ESRRG: variants seen among roughly 807,000 people sequenced by gnomAD.
ESRRG encodes estrogen related receptor gamma, also known as estrogen-related receptor gamma.
ESRRG carries 13 observed loss-of-function variants against 44.0 expected under a neutral mutation model. The ratio of observed to expected loss-of-function variants is 0.30; its 90% CI spans 0.19 to 0.47. The LOEUF (loss-of-function observed/expected upper bound fraction) is 0.47, where lower values mean the gene tolerates loss of function less well. Ranked by LOEUF, ESRRG falls within the 20% of genes least tolerant of loss-of-function variation. The probability of loss-of-function intolerance (pLI) is 1.00; values close to 1 mark genes in which losing one functional copy is unlikely to be tolerated. For missense variants in ESRRG, 395 were observed against 580.6 expected (o/e 0.68, Z 3.29); for synonymous variants, 215 against 214.6 (o/e 1.00, Z -0.02).
At chr1:216,880,133 C>A (rs563402872) in intron 2 of ESRRG, among the ~76,000 whole-genome samples, 1 of 151,254 alleles carries the variant, frequency 6.6e-6, no homozygotes, top group South Asian at 2.1e-4. Flanking sequence ...CATGGTGAAA[C>A]CCCATCTCTA....
intron 1 of ESRRG, among the ~76,000 whole-genome samples, chr1:216,706,789 A>G (rs1388283038): frequency 6.6e-6 from 1 of 152,226 alleles, no homozygotes; most frequent in Non-Finnish European, 1.5e-5. Flanking sequence ...ACCTAACTTC[A>G]CTAATCATCT....
Position 216,519,366 on chromosome 1 carries a change from C to T in ESRRG, c.918G>A (p.Met306Ile). Residue 306 changes from methionine (M) to isoleucine (I), a missense_variant, in exon 6 of 7, where the codon ATG (methionine) becomes ATA (isoleucine). Coordinates refer to ENST00000408911, the MANE Select transcript of ESRRG (RefSeq NM_001438.4). Reference protein sequence around the residue: ...DQMSLLQSAWMEILILGVVYR... With the variant: ...DQMSLLQSAWIEILILGVVYR... ...ATACGACACCAAGGATCAAAATTTCCATCCAAGCACTCTGCAGAAGGCTCA... is the reference window on the plus strand; with the variant it reads ...ATACGACACCAAGGATCAAAATTTCTATCCAAGCACTCTGCAGAAGGCTCA... The T allele has an allele frequency of 6.2e-7, 1 of 1,613,574 alleles. No homozygotes were observed.
chr1:216,671,146 C>T (rs1369681641), intron 2 of ESRRG, among the ~76,000 whole-genome samples: 1 of 152,138 alleles, frequency 6.6e-6, no homozygotes, highest in South Asian at 2.1e-4. Context: ...TACTTCAGTG[C>T]CTAAATTTCA....
intron 2 of ESRRG, among the ~76,000 whole-genome samples, chr1:216,831,553 G>A (rs1157957604): frequency 1.3e-5 from 2 of 151,628 alleles, no homozygotes; most frequent in Non-Finnish European, 2.9e-5. Flanking sequence ...AGAGGGAGAG[G>A]AAGGGAGGAA....
At chr1:216,643,919 G>A (rs2066968021) in intron 3 of ESRRG, among the ~76,000 whole-genome samples, 1 of 151,990 alleles carries the variant, frequency 6.6e-6, no homozygotes, top group African/African-American at 2.4e-5. Flanking sequence ...GTCACTCTTG[G>A]CCTACCAACA....
At chr1:216,653,365 C>T (rs10779270) in intron 2 of ESRRG, among the ~76,000 whole-genome samples, 31,602 of 152,148 alleles carry the variant, frequency 0.21, 4,216 homozygotes, top group Non-Finnish European at 0.3. Context: ...GCTTTGATCA[C>T]GTCATTATGC....
intron 1 of ESRRG, among the ~76,000 whole-genome samples, chr1:217,108,038 C>T (rs2092619419): frequency 6.6e-6 from 1 of 151,966 alleles, no homozygotes; most frequent in African/African-American, 2.4e-5. Flanking sequence ...TCCCCATAAC[C>T]TACCAAATTA....
chr1:216,705,373 G>A (rs2082253245), intron 1 of ESRRG, among the ~76,000 whole-genome samples: 1 of 151,948 alleles, frequency 6.6e-6, no homozygotes, highest in African/African-American at 2.4e-5. Flanking sequence ...CACAATCTGT[G>A]TAAATTATTC....
intron 1 of ESRRG, among the ~76,000 whole-genome samples, chr1:217,069,653 A>G (rs2090303069): frequency 6.6e-6 from 1 of 152,068 alleles, no homozygotes; most frequent in Admixed American, 6.6e-5. Flanking sequence ...TATGCTTACC[A>G]AAACCCACAT....
At chr1:216,999,373 C>CT in intron 1 of ESRRG, among the ~76,000 whole-genome samples, 1 of 152,190 alleles carries the variant, frequency 6.6e-6, no homozygotes, top group South Asian at 2.1e-4. Flanking sequence ...CAAGCACATA[C>CT]ATGCTAGGAA....
At chr1:217,051,396 G>A (rs1298990931) in intron 1 of ESRRG, among the ~76,000 whole-genome samples, 1 of 152,110 alleles carries the variant, frequency 6.6e-6, no homozygotes, top group African/African-American at 2.4e-5. Flanking sequence ...AGGTTCACAC[G>A]CACCTTCTAA....
Position 216,931,480 on chromosome 1 carries a change from C to T in ESRRG, c.-14+8102G>A, listed in dbSNP as rs11117727. On this transcript the variant is annotated intron_variant, in intron 2 of 7. Transcript: ENST00000359162. ...CTGTCTTCCCAAAGTTTTCCAGCTC[C>T]CTGACTTGCTCTTTCCTTCCCCTGG... 4.0e-3 allele frequency among the ~76,000 whole-genome samples: 614 copies of T among 152,240 alleles called. 1 individual carries two copies. Among genetic ancestry groups the T allele is most frequent in the African/African-American group, 0.014 (583 of 41,534 alleles).
At chr1:217,120,526 CT>C (rs2092805271) in intron 1 of ESRRG, among the ~76,000 whole-genome samples, 1 of 152,050 alleles carries the variant, frequency 6.6e-6, no homozygotes, top group African/African-American at 2.4e-5. Flanking sequence ...TCTCATTCCC[CT>C]TAGAACAAAG....
intron 2 of ESRRG, among the ~76,000 whole-genome samples, chr1:216,931,561 C>G (rs1420036148): frequency 1.3e-5 from 2 of 152,026 alleles, no homozygotes; most frequent in Non-Finnish European, 2.9e-5. Flanking sequence ...ATGTTGCTCT[C>G]AGGAGGACCA....
chr1:216,799,705 G>A (rs558822043), intron 2 of ESRRG, among the ~76,000 whole-genome samples: 7 of 152,188 alleles, frequency 4.6e-5, no homozygotes, highest in African/African-American at 1.4e-4. Flanking sequence ...ATCAGTAAAA[G>A]GTTTGCAAAA....
Position 216,640,966 on chromosome 1 carries a change from G to T in ESRRG, c.589+10007C>A, listed in dbSNP as rs538634960. 5.3e-5 allele frequency among the ~76,000 whole-genome samples: 8 copies of T among 152,188 alleles called. No homozygotes were observed. The South Asian group carries it at 1.2e-3, about 24-fold the overall frequency. On this transcript the variant is annotated intron_variant, in intron 3 of 6. Coordinates refer to ENST00000408911, the MANE Select transcript of ESRRG (RefSeq NM_001438.4). Reference sequence around the variant, plus strand: ...GCAAATGTTCAAGCAGGTTTCCCCTGCTTGGGGCTAAATCCATCAGGGATT... The same window carrying T: ...GCAAATGTTCAAGCAGGTTTCCCCTTCTTGGGGCTAAATCCATCAGGGATT...
intron 1 of ESRRG, among the ~76,000 whole-genome samples, chr1:217,079,093 C>T: frequency 6.6e-6 from 1 of 152,036 alleles, no homozygotes; most frequent in East Asian, 1.9e-4. Flanking sequence ...AATTCTAGAC[C>T]TTACCAACTG....
intron 2 of ESRRG, among the ~76,000 whole-genome samples, chr1:216,767,384 A>C (rs2093137188): frequency 6.6e-6 from 1 of 152,156 alleles, no homozygotes; most frequent in Admixed American, 6.6e-5. Flanking sequence ...TACGGACTCA[A>C]ATGCCATCTA....
At chr1:216,919,057 T>C (rs1389158242) in intron 2 of ESRRG, among the ~76,000 whole-genome samples, 1 of 152,136 alleles carries the variant, frequency 6.6e-6, no homozygotes, top group Non-Finnish European at 1.5e-5. Flanking sequence ...TATTTTTATG[T>C]CAGTTTCAAA....
Sources: gnomAD v4.1 joint callset for allele counts (sites outside exome capture counted in the v4.1 genomes callset) on GRCh38, gnomAD v4.1.1 for gene constraint, MANE v1.5 for transcripts, NCBI Gene and HGNC (gene_info 2026-07-23, HGNC 2026-07-21) for gene names.